The following MYL2 variants were observed in gnomAD, a reference collection of about 807,000 sequenced individuals.
The protein encoded by MYL2 is myosin regulatory light chain 2, ventricular/cardiac muscle isoform.
A neutral mutation model predicts 23.0 loss-of-function variants in MYL2; 19 were observed. The ratio of observed to expected loss-of-function variants is 0.83; its 90% CI spans 0.58 to 1.21. MYL2 has a LOEUF of 1.21. MYL2 is among the 50% of genes most tolerant of loss of function. The pLI is 0.00. For missense variants in MYL2, 180 were observed against 215.1 expected (o/e 0.84, Z 1.02); for synonymous variants, 78 against 76.2 (o/e 1.02, Z -0.13).
upstream of MYL2, among the ~76,000 whole-genome samples, chr12:110,921,390 T>G (rs2071727145): frequency 6.6e-6 from 1 of 152,082 alleles, no homozygotes; most frequent in African/African-American, 2.4e-5. Context: ...GCCACGCACC[T>G]CCTGCGCTCC....
intron 3 of MYL2, 143 bp downstream of exon 3, chr12:110,915,572 A>G: frequency 2.4e-6 from 2 of 830,192 alleles, no homozygotes; most frequent in South Asian, 2.7e-5. Flanking sequence ...CCATCCCCTG[A>G]AATTTGTCTT....
In MYL2 at chr12:110,911,013, G is replaced by A; in HGVS notation, c.*64C>T. The A allele has an allele frequency of 7.2e-7, 1 of 1,394,730 alleles. No homozygotes were observed. Among genetic ancestry groups the A allele is most frequent in the Non-Finnish European group, 1.0e-6 (1 of 980,564 alleles). 86.4% of individuals were successfully genotyped at this position (1,394,730 alleles called of 1,614,324 possible). ...GTAGGGACAGAGGCGGTACTCGGGGGAGAGAGATGAGGGCAGGGACCACTC... is the reference window on the plus strand; with the variant it reads ...GTAGGGACAGAGGCGGTACTCGGGGAAGAGAGATGAGGGCAGGGACCACTC... On this transcript the variant is annotated 3_prime_UTR_variant, in exon 7 of 7. Transcript: ENST00000228841.
At chr12:110,920,460 C>G in intron 1 of MYL2, 67 bp downstream of exon 1, 11 of 1,612,964 alleles carry the variant, frequency 6.8e-6, no homozygotes, top group Non-Finnish European at 8.5e-6. Context: ...GCCGTGGTCC[C>G]TCGCTTGTAG....
At chr12:110,917,697 C>T (rs1387294418) in intron 2 of MYL2, among the ~76,000 whole-genome samples, 3 of 152,162 alleles carry the variant, frequency 2.0e-5, no homozygotes, top group Non-Finnish European at 4.4e-5. Context: ...CCCTATGGGA[C>T]ACGGCATTCC....
In MYL2 at chr12:110,919,018, C is replaced by G. The variant is rs981081245; in HGVS notation, c.93+86G>C. 4.0e-6 allele frequency: 5 copies of G among 1,264,178 alleles called. No individual in the cohort carries two copies. In the African/African-American group the frequency reaches 7.3e-5, roughly 18 times the overall value. 78.3% of individuals were successfully genotyped at this position (1,264,178 alleles called of 1,614,324 possible). A position where few individuals can be genotyped will look rare whatever the true frequency, so the allele number is the denominator to read the frequency against. ...AGGATAGAGGCATCTAATGAAAGGT[C>G]CCTGCTGGGAATATGGAACAAAAAG... On this transcript the variant is annotated intron_variant, in intron 2 of 6. Transcript: ENST00000228841.
At position 110,913,270 on chromosome 12, in the gene MYL2, C is replaced by T; in HGVS notation, c.329G>A (p.Gly110Asp). 1 of 1,614,246 alleles carries T rather than the reference C, an allele frequency of 6.2e-7. No homozygotes were observed. Among genetic ancestry groups the T allele is most frequent in the Non-Finnish European group, 8.5e-7 (1 of 1,180,042 alleles). ...CTAATCAGCCTTCAGCACCCCTTTG[C>T]CTTCAGGGTCAAACACTTTGAATGC... ...LNAFKVFDPE[G>D]KGVLKADYVR... Residue 110 changes from glycine (G) to aspartate (D), a missense_variant, in exon 5 of 7, where the codon GGC (glycine) becomes GAC (aspartate). Gly to Asp is a moderately conservative substitution (Grantham distance 94). Coordinates refer to ENST00000228841, the MANE Select transcript of MYL2 (RefSeq NM_000432.4).
chr12:110,917,043 A>G (rs917400230), intron 2 of MYL2, among the ~76,000 whole-genome samples: 1 of 151,734 alleles, frequency 6.6e-6, no homozygotes, highest in Non-Finnish European at 1.5e-5. Context: ...TCAGGGTTTC[A>G]CCACGTTGGC....
chr12:110,912,383 A>G (rs1252644306), intron 6 of MYL2, among the ~76,000 whole-genome samples: 4 of 152,212 alleles, frequency 2.6e-5, no homozygotes, highest in Non-Finnish European at 4.4e-5. Flanking sequence ...GACTTTTATG[A>G]AACTGACATT....
intron 2 of MYL2, 105 bp from the exon 3 acceptor site, chr12:110,915,895 G>T: frequency 1.1e-6 from 1 of 892,812 alleles, no homozygotes; most frequent in Non-Finnish European, 1.9e-6. Flanking sequence ...GATCTTCAAA[G>T]ATCATTGTAG....
chr12:110,918,908 T>C lies in MYL2; in HGVS notation c.93+196A>G, dbSNP rs2071702446. The C allele has an allele frequency of 8.4e-6, 5 of 598,432 alleles. No homozygotes were observed. The highest frequency in any genetic ancestry group is 2.9e-6 in the Non-Finnish European group (1 of 341,250). The allele number at this position is 598,432 out of a possible 1,614,324, so 37.1% of individuals were successfully genotyped here. A position where few individuals can be genotyped will look rare whatever the true frequency, so the allele number is the denominator to read the frequency against. On this transcript the variant is annotated intron_variant, in intron 2 of 6. Transcript: ENST00000228841. This position sits in a 1 kb window ranked among gnomAD's most constrained non-coding sequence, Gnocchi z 4.4. ...AACATTTTTCAACATGGAATATGTT[T>C]TACTTTGATAATCAGTGAAAATATT... is the stretch of plus-strand genomic sequence containing the variant.
chr12:110,915,898 C>T, intron 2 of MYL2, 108 bp from the exon 3 acceptor site: 1 of 866,966 alleles, frequency 1.2e-6, no homozygotes, highest in South Asian at 1.3e-5. Flanking sequence ...CTTCAAAGAT[C>T]ATTGTAGGAC....
At chr12:110,919,026 G>A (rs2071703087) in intron 2 of MYL2, 78 bp downstream of exon 2, 2 of 1,362,174 alleles carry the variant, frequency 1.5e-6, no homozygotes, top group Non-Finnish European at 2.1e-6. Context: ...GTCCCTGCTG[G>A]GAATATGGAA....
rs747192296 is a variant in MYL2, at chr12:110,911,154, A to G, written c.424T>C (p.Phe142Leu). ...AAGTTGCCAGTCACGTCAGGGGGGA[A>G]GGCGGCGAACATCTGGTCAACCTGC... ...KEEVDQMFAAFPPDVTGNLDY... is the reference protein window; with the variant it reads ...KEEVDQMFAALPPDVTGNLDY... The change falls in exon 7 of 7, where the codon TTC becomes CTC. Residue 142 changes from phenylalanine to leucine, a missense_variant. By Grantham distance (22) the Phe-to-Leu change is conservative. Coordinates refer to ENST00000228841, the MANE Select transcript of MYL2 (RefSeq NM_000432.4). The G allele has an allele frequency of 1.9e-6, 3 of 1,577,150 alleles. No individual in the cohort carries two copies. The highest frequency in any genetic ancestry group is 1.4e-5 in the African/African-American group (1 of 73,268).
At chr12:110,915,264 T>A (rs1396418296) in intron 3 of MYL2, among the ~76,000 whole-genome samples, 1 of 152,174 alleles carries the variant, frequency 6.6e-6, no homozygotes, top group Non-Finnish European at 1.5e-5. Context: ...CATGTACTCA[T>A]GCTCACACTG....
At position 110,920,554 on chromosome 12, in the gene MYL2, C is replaced by G; in HGVS notation, c.-25G>C. ...TGGTGGAAAGGACCCAGCACTGCCT[C>G]CCGAGAAGAATTCCACACTCCGCCC... On this transcript the variant is annotated 5_prime_UTR_variant, in exon 1 of 7. Coordinates refer to ENST00000228841, the MANE Select transcript of MYL2 (RefSeq NM_000432.4). 1 of 1,614,148 alleles carries G rather than the reference C, an allele frequency of 6.2e-7. No homozygotes were observed. The highest frequency in any genetic ancestry group is 8.5e-7 in the Non-Finnish European group (1 of 1,180,026).
intron 4 of MYL2, 111 bp downstream of exon 4, chr12:110,914,075 A>AT (rs1033281586): frequency 4.4e-6 from 4 of 898,920 alleles, no homozygotes; most frequent in African/African-American, 3.3e-5. Context: ...TGTTTTCATT[A>AT]TTTTTTTCCA....
chr12:110,913,307 T>G lies in MYL2; in HGVS notation c.292A>C (p.Thr98Pro), dbSNP rs555501707. The G allele has an allele frequency of 6.2e-7, 1 of 1,614,176 alleles. No homozygotes were observed. Among genetic ancestry groups the G allele is most frequent in the South Asian group, 1.1e-5 (1 of 91,078 alleles). Reference protein sequence around the residue: ...EKLKGADPEETILNAFKVFDP... With the variant: ...EKLKGADPEEPILNAFKVFDP... ...AACACTTTGAATGCGTTGAGAATGG[T>G]TTCCTCAGGGTCCGCTCCTGAAACG... Residue 98 changes from threonine (T) to proline (P), a missense_variant, in exon 5 of 7, where the codon ACC becomes CCC. By Grantham distance (38) the Thr-to-Pro change is conservative. Transcript: ENST00000228841.
chr12:110,919,861 T>C (rs1233291500), intron 1 of MYL2, among the ~76,000 whole-genome samples: 1 of 152,244 alleles, frequency 6.6e-6, no homozygotes, highest in Non-Finnish European at 1.5e-5. Flanking sequence ...ATAACCACTC[T>C]GTCAAGTGGA....
chr12:110,912,077 T>C (rs1278001683), intron 6 of MYL2, among the ~76,000 whole-genome samples: 2 of 152,206 alleles, frequency 1.3e-5, no homozygotes, highest in Non-Finnish European at 2.9e-5. Flanking sequence ...GCAGCCCTTT[T>C]AGCTGCTTGA....
Sources: allele counts gnomAD v4.1 joint callset (sites outside exome capture counted in the v4.1 genomes callset), GRCh38; gene constraint gnomAD v4.1.1; non-coding constraint Gnocchi (gnomAD v3.1); transcripts MANE v1.5; gene names NCBI Gene and HGNC (gene_info 2026-07-23, HGNC 2026-07-21).